The following TMEM156 variants were observed in gnomAD, a reference collection of about 807,000 sequenced individuals.
TMEM156 encodes transmembrane protein 156.
A neutral mutation model predicts 30.5 loss-of-function variants in TMEM156; 28 were observed. The observed-to-expected ratio is 0.92, with a 90% confidence interval of 0.68 to 1.26. The LOEUF (loss-of-function observed/expected upper bound fraction) is 1.26, where lower values mean the gene tolerates loss of function less well. TMEM156 is among the 50% of genes most tolerant of loss of function. The pLI is 0.00. For synonymous variants in TMEM156, 137 were observed against 119.9 expected (o/e 1.14, Z -0.93); for missense variants, 351 against 340.6 (o/e 1.03, Z -0.24).
At chr4:39,027,727 T>C (rs1715289448) in intron 1 of TMEM156, among the ~76,000 whole-genome samples, 1 of 150,328 alleles carries the variant, frequency 6.7e-6, no homozygotes. Flanking sequence ...CCCAGCTAAT[T>C]TTCCTTTTTC....
chr4:39,027,342 C>G (rs1031823660), intron 1 of TMEM156, among the ~76,000 whole-genome samples: 26 of 152,104 alleles, frequency 1.7e-4, no homozygotes, highest in Non-Finnish European at 5.9e-5. Flanking sequence ...AACATATGCT[C>G]ATATTATGTC....
intron 1 of TMEM156, among the ~76,000 whole-genome samples, chr4:39,020,142 T>C (rs576671735): frequency 4.2e-4 from 64 of 152,346 alleles, no homozygotes; most frequent in African/African-American, 1.5e-3. Flanking sequence ...ATTTTCTTCT[T>C]TGTTAAGGTG....
chr4:38,992,686 ATAATATAT>A (rs1712564877), intron 3 of TMEM156, among the ~76,000 whole-genome samples: 1 of 43,488 alleles, frequency 2.3e-5, no homozygotes, highest in Admixed American at 2.9e-4. Flanking sequence ...AATATATTAT[ATAATATAT>A]TATATAATAT....
intron 1 of TMEM156, among the ~76,000 whole-genome samples, chr4:39,011,845 T>C (rs1410771081): frequency 6.6e-6 from 1 of 152,108 alleles, no homozygotes; most frequent in African/African-American, 2.4e-5. Flanking sequence ...ATAAAAAAGA[T>C]TGAAATCATG....
At chr4:39,005,349 A>G (rs1713658715) in intron 1 of TMEM156, among the ~76,000 whole-genome samples, 1 of 152,100 alleles carries the variant, frequency 6.6e-6, no homozygotes, top group African/African-American at 2.4e-5. Context: ...TGGGATAGTG[A>G]GTGAGTTCTC....
In TMEM156 at chr4:39,032,359, G is replaced by A; in HGVS notation, c.-46C>T. ...TGTGTTCCCTTGCAGTACATTCATGGTATGTTGCTTCCTGCTTTAAGTTTA... is the reference window on the plus strand; with the variant it reads ...TGTGTTCCCTTGCAGTACATTCATGATATGTTGCTTCCTGCTTTAAGTTTA... On this transcript the variant is annotated 5_prime_UTR_variant, in exon 1 of 7. Coordinates refer to ENST00000381938, the MANE Select transcript of TMEM156 (RefSeq NM_024943.3). 8.3e-7 allele frequency: 1 copy of A among 1,201,202 alleles called. No individual in the cohort carries two copies. Among genetic ancestry groups the A allele is most frequent in the East Asian group, 2.4e-5 (1 of 41,472 alleles). The allele number at this position is 1,201,202 out of a possible 1,614,324, so 74.4% of individuals were successfully genotyped here.
At chr4:39,016,139 C>A (rs1472436909) in intron 1 of TMEM156, among the ~76,000 whole-genome samples, 2 of 152,076 alleles carry the variant, frequency 1.3e-5, no homozygotes, top group African/African-American at 4.8e-5. Context: ...CTTTGGGAGG[C>A]CAAGGCAGGC....
chr4:38,989,374 T>C (rs1256122387), intron 3 of TMEM156, among the ~76,000 whole-genome samples: 2 of 152,126 alleles, frequency 1.3e-5, no homozygotes, highest in Non-Finnish European at 2.9e-5. Context: ...TCAGCAAAGA[T>C]GCAGTGAGTA....
intron 1 of TMEM156, among the ~76,000 whole-genome samples, chr4:39,015,983 T>C (rs1412825056): frequency 1.3e-5 from 2 of 152,184 alleles, no homozygotes; most frequent in Non-Finnish European, 2.9e-5. Context: ...CTCTTTTTTG[T>C]TTATAAATGA....
At chr4:39,027,758 C>CTTTTTTTTTTTTTT (rs112766367) in intron 1 of TMEM156, among the ~76,000 whole-genome samples, 1 of 120,796 alleles carries the variant, frequency 8.3e-6, no homozygotes, top group African/African-American at 3.3e-5. Flanking sequence ...TTTTCTTTTT[C>CTTTTTTTTTTTTTT]TTTTTTTTTT....
intron 5 of TMEM156, among the ~76,000 whole-genome samples, chr4:38,974,719 T>G (rs1722767104): frequency 6.6e-6 from 1 of 151,456 alleles, no homozygotes; most frequent in African/African-American, 2.4e-5. Context: ...TCGCCCAGGC[T>G]AGAGTGCAAT....
chr4:38,986,807 CAAAAAAAAAAAAAAAAAAAAAAAAAA>C (rs59087758), intron 4 of TMEM156, among the ~76,000 whole-genome samples: 29 of 23,744 alleles, frequency 1.2e-3, no homozygotes, highest in South Asian at 4.7e-3. Context: ...GACTCCATCT[CAAAAAAAAAAAAAAAAAAAAAAAAAA>C]AAAAAAAAAA....
intron 2 of TMEM156, among the ~76,000 whole-genome samples, chr4:38,996,718 C>T (rs751953946): frequency 6.6e-6 from 1 of 152,146 alleles, no homozygotes; most frequent in African/African-American, 2.4e-5. Context: ...AAAACAGAAC[C>T]ACCATATGAT....
At position 38,976,890 on chromosome 4, in the gene TMEM156, T is replaced by TTTGTTGTTGTTG. The variant is rs61299459; in HGVS notation, c.824-5765_824-5754dup. The stretch of plus-strand genomic sequence containing the variant: ...ACAATTTAACATTTGACATTGTTCT[T>TTTGTTGTTGTTG]TTGTTGTTGTTGTTGTTGTTGTTGT... On this transcript the variant is annotated intron_variant, in intron 5 of 6. Coordinates refer to ENST00000381938, the MANE Select transcript of TMEM156 (RefSeq NM_024943.3). Among the ~76,000 whole-genome samples the TTTGTTGTTGTTG allele has an allele frequency of 8.9e-3, 1,347 of 151,306 alleles. 12 individuals are homozygous for TTTGTTGTTGTTG. The highest frequency in any genetic ancestry group is 0.016 in the Non-Finnish European group (1,054 of 67,812).
At chr4:38,987,944 C>A (rs1712121581) in intron 4 of TMEM156, among the ~76,000 whole-genome samples, 1 of 152,144 alleles carries the variant, frequency 6.6e-6, no homozygotes, top group African/African-American at 2.4e-5. Flanking sequence ...TGATAGTCAT[C>A]CATTTTATGC....
At chr4:39,025,893 T>TA (rs1199900139) in intron 1 of TMEM156, among the ~76,000 whole-genome samples, 1 of 152,264 alleles carries the variant, frequency 6.6e-6, no homozygotes, top group African/African-American at 2.4e-5. Flanking sequence ...TTGGCCTGCC[T>TA]AAATCACAAG....
At chr4:39,000,849 T>A (rs1713292298) in intron 1 of TMEM156, among the ~76,000 whole-genome samples, 1 of 152,090 alleles carries the variant, frequency 6.6e-6, no homozygotes, top group African/African-American at 2.4e-5. Flanking sequence ...ATCGCACCAC[T>A]GCACTCCAGA....
At chr4:39,014,906 A>T (rs979271693) in intron 1 of TMEM156, among the ~76,000 whole-genome samples, 10 of 152,148 alleles carry the variant, frequency 6.6e-5, no homozygotes, top group African/African-American at 1.9e-4. Flanking sequence ...TGTTTCTTGA[A>T]AGTTTGGCAG....
At position 38,970,924 on chromosome 4, in the gene TMEM156, C is replaced by T. The variant is rs974534531; in HGVS notation, c.*38+108G>A. On this transcript the variant is annotated intron_variant, in intron 6 of 6. Transcript: ENST00000381938. ...ATATGAACTGACTTTGCAAATTCAT[C>T]ATTTTCTACCTCCTACCAGATAGAA... The T allele has an allele frequency of 1.3e-5, 9 of 677,530 alleles. No homozygotes were observed. In the African/African-American group the frequency reaches 1.5e-4, roughly 11 times the overall value. The allele number at this position is 677,530 out of a possible 1,614,324, so 42.0% of individuals were successfully genotyped here. A position where few individuals can be genotyped will look rare whatever the true frequency, so the allele number is the denominator to read the frequency against.
Sources: gnomAD v4.1 joint callset for allele counts (sites outside exome capture counted in the v4.1 genomes callset) on GRCh38, gnomAD v4.1.1 for gene constraint, MANE v1.5 for transcripts, NCBI Gene and HGNC (gene_info 2026-07-23, HGNC 2026-07-21) for gene names.